HSP90AA1: variants seen among roughly 807,000 people sequenced by gnomAD.
The protein encoded by HSP90AA1 is heat shock protein HSP 90-alpha.
A neutral mutation model predicts 73.3 loss-of-function variants in HSP90AA1; 18 were observed. That is an observed-to-expected ratio of 0.25 (90% CI 0.17 to 0.36). The LOEUF is 0.36. Among genes scored for constraint, HSP90AA1 ranks in the 10% least tolerant of loss-of-function variants. The probability of loss-of-function intolerance (pLI) is 1.00; values close to 1 mark genes in which losing one functional copy is unlikely to be tolerated. For synonymous variants in HSP90AA1, 477 were observed against 296.9 expected (o/e 1.61, Z -6.24); for missense variants, 704 against 874.2 (o/e 0.81, Z 2.45).
intron 1 of HSP90AA1, 123 bp downstream of exon 1, chr14:102,086,863 C>T (rs2049253463): frequency 2.0e-6 from 1 of 492,170 alleles, no homozygotes; most frequent in Non-Finnish European, 2.6e-6. Context: ...GCGCGGCCGC[C>T]CGGGAGCGCG....
intron 2 of HSP90AA1, among the ~76,000 whole-genome samples, chr14:102,096,941 C>T (rs1359357308): frequency 6.6e-6 from 1 of 152,128 alleles, no homozygotes; most frequent in Admixed American, 6.6e-5. Flanking sequence ...CATGGCAAAG[C>T]TTCTAGCCTT....
rs955003904 is a variant in HSP90AA1, at chr14:102,087,028, G to A, written c.-43C>T. 3.8e-5 allele frequency: 37 copies of A among 985,194 alleles called. No homozygotes were observed. The highest frequency in any genetic ancestry group is 8.8e-5 in the African/African-American group (5 of 57,142). 61.0% of individuals were successfully genotyped at this position (985,194 alleles called of 1,614,324 possible). On this transcript the variant is annotated 5_prime_UTR_variant, in exon 1 of 11. Coordinates refer to ENST00000216281, the MANE Select transcript of HSP90AA1 (RefSeq NM_005348.4). ...ACAGGACCAACGGCACAGCCACACC[G>A]GGACGCTGAAGCAACTGACGCGCCA...
chr14:102,086,754 T>C (rs1376122147), intron 1 of HSP90AA1, among the ~76,000 whole-genome samples: 1 of 151,386 alleles, frequency 6.6e-6, no homozygotes, highest in Non-Finnish European at 1.5e-5. Context: ...GCGCCAGCTC[T>C]GGCGCTGCTG....
intron 1 of HSP90AA1, among the ~76,000 whole-genome samples, chr14:102,111,656 C>T (rs1479727563): frequency 1.3e-5 from 2 of 152,198 alleles, no homozygotes; most frequent in African/African-American, 4.8e-5. Context: ...TAAACTCATA[C>T]TTGAGTGATA....
intron 1 of HSP90AA1, among the ~76,000 whole-genome samples, chr14:102,107,185 C>G (rs977805933): frequency 2.0e-5 from 3 of 151,944 alleles, no homozygotes; most frequent in African/African-American, 7.3e-5. Context: ...TTTAAGGAGG[C>G]GAGGGTGGGG....
intron 3 of HSP90AA1, 124 bp from the exon 4 acceptor site, chr14:102,085,555 C>T (rs2049208007): frequency 1.7e-6 from 2 of 1,201,960 alleles, no homozygotes; most frequent in South Asian, 2.5e-5. Flanking sequence ...AAGGCCACCA[C>T]AGCAGAACCT....
chr14:102,108,263 CAAAAAA>C (rs34157305), intron 1 of HSP90AA1, among the ~76,000 whole-genome samples: 11 of 79,882 alleles, frequency 1.4e-4, no homozygotes, highest in Middle Eastern at 5.8e-3. Context: ...ACCTTGTCTC[CAAAAAA>C]AAAAAAAAAA....
intron 1 of HSP90AA1, among the ~76,000 whole-genome samples, chr14:102,129,227 C>T (rs2049876118): frequency 6.7e-6 from 1 of 150,192 alleles, no homozygotes. Context: ...ACCTCTGCCT[C>T]CAGGGTTCAA....
chr14:102,127,495 G>T (rs2049853753), intron 1 of HSP90AA1, among the ~76,000 whole-genome samples: 1 of 152,016 alleles, frequency 6.6e-6, no homozygotes, highest in African/African-American at 2.4e-5. Context: ...CTATGGTTTG[G>T]AACCCACATT....
Position 102,085,118 on chromosome 14 carries a change from T to G in HSP90AA1, c.664-120A>C. On this transcript the variant is annotated intron_variant, in intron 4 of 10. Coordinates refer to ENST00000216281, the MANE Select transcript of HSP90AA1 (RefSeq NM_005348.4). ...TTAGCCAACTTGAGAAGCACCCAGC[T>G]TTTCATCAATATTTGATACATCCAC... 1.3e-6 allele frequency: 2 copies of G among 1,548,066 alleles called. 1 individual carries two copies. Among genetic ancestry groups the G allele is most frequent in the South Asian group, 2.3e-5 (2 of 87,780 alleles).
At chr14:102,107,844 G>A (rs749480794) in intron 1 of HSP90AA1, among the ~76,000 whole-genome samples, 1 of 152,100 alleles carries the variant, frequency 6.6e-6, no homozygotes, top group South Asian at 2.1e-4. Context: ...ATCCATAGGA[G>A]GGCACGTATG....
At chr14:102,094,029 A>G (rs910242642) in intron 2 of HSP90AA1, among the ~76,000 whole-genome samples, 2 of 152,124 alleles carry the variant, frequency 1.3e-5, no homozygotes, top group Non-Finnish European at 2.9e-5. Flanking sequence ...TTGATGTTTC[A>G]GAGTCGACCC....
chr14:102,094,947 C>T lies in HSP90AA1; in HGVS notation c.366+6928G>A, dbSNP rs571370374. ...GCAAACTTGGGAGAGGTCAGGGGAG[C>T]GAGTTAACAGGGTGAAGCACAGGAG... On this transcript the variant is annotated intron_variant, in intron 2 of 11. Coordinates refer to the HSP90AA1 transcript ENST00000334701. 3.9e-5 allele frequency among the ~76,000 whole-genome samples: 6 copies of T among 152,122 alleles called. No homozygotes were observed. In the East Asian group the frequency reaches 1.2e-3, roughly 29 times the overall value.
At chr14:102,129,181 G>A (rs1398645118) in intron 1 of HSP90AA1, among the ~76,000 whole-genome samples, 1 of 138,960 alleles carries the variant, frequency 7.2e-6, no homozygotes, top group Non-Finnish European at 1.5e-5. Flanking sequence ...CTGTCGCCCA[G>A]GCTGGAATGC....
chr14:102,118,722 T>C (rs2049738373), intron 1 of HSP90AA1, among the ~76,000 whole-genome samples: 1 of 152,188 alleles, frequency 6.6e-6, no homozygotes, highest in Non-Finnish European at 1.5e-5. Context: ...TTTCTCATTC[T>C]GTTCTATACA....
At position 102,100,316 on chromosome 14, in the gene HSP90AA1, A is replaced by G. The variant is rs181497482; in HGVS notation, c.366+1559T>C. Among the ~76,000 whole-genome samples, 22 of 152,286 alleles carry G rather than the reference A, an allele frequency of 1.4e-4. No individual in the cohort carries two copies. The East Asian group carries it at 4.2e-3, about 29-fold the overall frequency. On this transcript the variant is annotated intron_variant, in intron 2 of 11. Coordinates refer to the HSP90AA1 transcript ENST00000334701. ...GCAGTGTTAGGAGCGTCAGGCTCAC[A>G]GTGAATTCTCTCAGGGCTTGGTTCT...
At chr14:102,091,509 C>T (rs141304520), upstream of HSP90AA1, among the ~76,000 whole-genome samples, 1,413 of 152,124 alleles carry the variant, frequency 9.3e-3, 23 homozygotes, top group African/African-American at 0.032. Flanking sequence ...ACCTGTAGTC[C>T]CAGCTACTCG....
At chr14:102,083,732 T>TAAA (rs201649309) in intron 7 of HSP90AA1, 39 bp from the exon 8 acceptor site, 1,911 of 1,392,522 alleles carry the variant, frequency 1.4e-3, no homozygotes, top group Middle Eastern at 2.0e-3. Context: ...CTTTCTGAAT[T>TAAA]AAAAAAAAAA....
chr14:102,139,438 T>G, exon 1 of HSP90AA1: 1 of 1,508,116 alleles, frequency 6.6e-7, no homozygotes, highest in Non-Finnish European at 8.9e-7. Flanking sequence ...GCGTGCTGGC[T>G]CCGAAGCGGT....
Sources: gnomAD v4.1 joint callset for allele counts (sites outside exome capture counted in the v4.1 genomes callset) on GRCh38, gnomAD v4.1.1 for gene constraint, MANE v1.5 for transcripts, NCBI Gene and HGNC (gene_info 2026-07-23, HGNC 2026-07-21) for gene names.